TNNI3K: variants seen among roughly 807,000 people sequenced by gnomAD.
TNNI3K encodes the protein TNNI3 interacting kinase.
TNNI3K carries 140 observed loss-of-function variants against 114.5 expected under a neutral mutation model. The observed-to-expected ratio is 1.22, with a 90% CI of 1.07 to 1.41. TNNI3K has a LOEUF of 1.41. Among genes scored for constraint, TNNI3K ranks in the 40% most tolerant of loss-of-function variants. The pLI is 0.00. For synonymous variants in TNNI3K, 347 were observed against 347.5 expected, an observed-to-expected ratio of 1.00 and a Z score of 0.02; for missense variants, 1,125 against 1,007.6, an observed-to-expected ratio of 1.12 and a Z score of -1.58.
chr1:74,542,250 A>C (rs1195617622), intron 24 of TNNI3K, among the ~76,000 whole-genome samples: 1 of 152,298 alleles, frequency 6.6e-6, no homozygotes, highest in South Asian at 2.1e-4. Flanking sequence ...TTTCCATTGG[A>C]GTCCTGTGGG....
chr1:74,419,163 T>A (rs1188019983), intron 17 of TNNI3K, among the ~76,000 whole-genome samples: 1 of 151,890 alleles, frequency 6.6e-6, no homozygotes, highest in Non-Finnish European at 1.5e-5. Flanking sequence ...CTAGGGAAAA[T>A]TCTGTTCCTT....
intron 5 of TNNI3K, among the ~76,000 whole-genome samples, chr1:74,275,493 A>G (rs928309804): frequency 6.6e-6 from 1 of 152,062 alleles, no homozygotes; most frequent in Admixed American, 6.6e-5. Flanking sequence ...GGGAACACAG[A>G]GCCAAAGCAT....
chr1:74,438,542 C>T (rs1435301309), intron 19 of TNNI3K, among the ~76,000 whole-genome samples: 1 of 151,994 alleles, frequency 6.6e-6, no homozygotes, highest in Non-Finnish European at 1.5e-5. Context: ...TGTGGCTCCT[C>T]TGTTTTGTCC....
intron 23 of TNNI3K, among the ~76,000 whole-genome samples, chr1:74,511,724 G>A (rs984391376): frequency 2.6e-5 from 4 of 151,988 alleles, no homozygotes; most frequent in Non-Finnish European, 5.9e-5. Context: ...CCATGTGTAG[G>A]AAGCCCTGTG....
At chr1:74,539,666 T>C (rs572750712) in intron 23 of TNNI3K, among the ~76,000 whole-genome samples, 5 of 152,248 alleles carry the variant, frequency 3.3e-5, no homozygotes, top group African/African-American at 1.2e-4. Context: ...CTGGATGAGC[T>C]GTTAGCAAAC....
intron 23 of TNNI3K, among the ~76,000 whole-genome samples, chr1:74,530,079 C>T (rs1035576466): frequency 6.6e-6 from 1 of 152,148 alleles, no homozygotes; most frequent in Non-Finnish European, 1.5e-5. Flanking sequence ...ATCCTACTGC[C>T]TTGGCCTCCC....
intron 17 of TNNI3K, among the ~76,000 whole-genome samples, chr1:74,409,628 G>A (rs1179208447): frequency 6.6e-6 from 1 of 151,054 alleles, no homozygotes; most frequent in Non-Finnish European, 1.5e-5. Flanking sequence ...CGAGTAGCTA[G>A]GATTACAGGT....
rs377569710 is a variant in TNNI3K, at chr1:74,243,744, C to T, written c.150-5715C>T. Among the ~76,000 whole-genome samples the T allele has an allele frequency of 2.6e-4, 39 of 152,228 alleles. No individual in the cohort carries two copies. In the Middle Eastern group the frequency reaches 0.014, roughly 53 times the overall value. ...AAGAAAGTAACCTTTGGGTACAGAACTATCATTTTTAATGATTAAGAACAG... is the reference window on the plus strand; with the variant it reads ...AAGAAAGTAACCTTTGGGTACAGAATTATCATTTTTAATGATTAAGAACAG... On this transcript the variant is annotated intron_variant, in intron 2 of 24. Coordinates refer to ENST00000326637, the MANE Select transcript of TNNI3K (RefSeq NM_015978.3).
At chr1:74,345,293 T>C (rs1003540225) in intron 9 of TNNI3K, among the ~76,000 whole-genome samples, 4 of 152,174 alleles carry the variant, frequency 2.6e-5, no homozygotes, top group Non-Finnish European at 5.9e-5. Context: ...CTACCTTGTA[T>C]TGGTGCTACT....
intron 20 of TNNI3K, among the ~76,000 whole-genome samples, chr1:74,457,138 A>T (rs1438180106): frequency 6.6e-6 from 1 of 152,160 alleles, no homozygotes; most frequent in Non-Finnish European, 1.5e-5. Context: ...CTGAAATCTT[A>T]TGTTTATTGT....
At chr1:74,478,994 T>C (rs747717750) in intron 21 of TNNI3K, among the ~76,000 whole-genome samples, 5 of 152,380 alleles carry the variant, frequency 3.3e-5, no homozygotes, top group African/African-American at 1.2e-4. Context: ...TGTCTATACC[T>C]GATGCTGGTC....
intron 23 of TNNI3K, among the ~76,000 whole-genome samples, chr1:74,535,795 T>A (rs1014233626): frequency 4.6e-5 from 7 of 152,192 alleles, no homozygotes; most frequent in African/African-American, 1.7e-4. Context: ...GTGTCAGTTG[T>A]CGATATTCAG....
At chr1:74,286,382 G>T (rs541406282) in intron 5 of TNNI3K, among the ~76,000 whole-genome samples, 2 of 152,192 alleles carry the variant, frequency 1.3e-5, no homozygotes, top group East Asian at 3.9e-4. Flanking sequence ...TATCAGACCA[G>T]CCCTCACAGC....
In TNNI3K at chr1:74,490,039, ATT is replaced by A. The variant is rs3835393; in HGVS notation, c.2181+799_2181+800del. The stretch of plus-strand genomic sequence containing the variant: ...AAGTGGAACCATCAAGAAAAGCAGG[ATT>A]TTTTTTTCTAAAAAAAAAAAAAAAA... On this transcript the variant is annotated intron_variant, in intron 22 of 24. Coordinates refer to ENST00000326637, the MANE Select transcript of TNNI3K (RefSeq NM_015978.3). 1.2e-3 allele frequency among the ~76,000 whole-genome samples: 134 copies of A among 114,364 alleles called. 1 individual carries two copies. The highest frequency in any genetic ancestry group is 4.1e-3 in the African/African-American group (121 of 29,854). The allele number at this position is 114,364 out of a possible 152,430, so 75.0% of individuals were successfully genotyped here.
At chr1:74,466,354 A>G (rs1667681044) in intron 21 of TNNI3K, among the ~76,000 whole-genome samples, 1 of 152,170 alleles carries the variant, frequency 6.6e-6, no homozygotes, top group Non-Finnish European at 1.5e-5. Context: ...TCTAATATCA[A>G]TGTAAAGATA....
At chr1:74,336,528 G>A (rs1660477367) in intron 7 of TNNI3K, among the ~76,000 whole-genome samples, 1 of 130,816 alleles carries the variant, frequency 7.6e-6, no homozygotes, top group Admixed American at 9.4e-5. Flanking sequence ...AGTCCCCAGA[G>A]TGTGATATTC....
chr1:74,480,694 G>A (rs988516053), intron 21 of TNNI3K: 6 of 717,366 alleles, frequency 8.4e-6, no homozygotes, highest in Middle Eastern at 2.3e-4. Context: ...ACCCTCGTAG[G>A]GTGCGGAGAG....
intron 22 of TNNI3K, among the ~76,000 whole-genome samples, chr1:74,490,480 A>T (rs569124112): frequency 5.3e-5 from 8 of 152,330 alleles, no homozygotes; most frequent in South Asian, 4.1e-4. Context: ...CCATGATAGG[A>T]TCTACAAACA....
chr1:74,315,303 A>G (rs1050672468), intron 5 of TNNI3K, among the ~76,000 whole-genome samples: 2 of 152,134 alleles, frequency 1.3e-5, no homozygotes, highest in African/African-American at 4.8e-5. Context: ...CTGATATTTA[A>G]ACACATTATG....
Sources: allele counts gnomAD v4.1 joint callset (sites outside exome capture counted in the v4.1 genomes callset), GRCh38; gene constraint gnomAD v4.1.1; transcripts MANE v1.5; gene names NCBI Gene and HGNC (gene_info 2026-07-23, HGNC 2026-07-21).